Variants in KNL1 observed in about 807,000 individuals in gnomAD.
KNL1 encodes outer kinetochore KNL1 complex subunit KNL1.
A neutral mutation model predicts 201.3 loss-of-function variants in KNL1; 66 were observed. That is an observed-to-expected ratio of 0.33 (90% CI 0.27 to 0.40). The LOEUF (loss-of-function observed/expected upper bound fraction) is 0.40. Among genes scored for constraint, KNL1 ranks in the 10% least tolerant of loss-of-function variants. The pLI, the probability that KNL1 is intolerant of heterozygous loss-of-function variation, is 1.00. For missense variants in KNL1, 2,815 were observed against 2,690.5 expected, an observed-to-expected ratio of 1.05 and a Z score of -1.02; for synonymous variants, 895 against 899.2, an observed-to-expected ratio of 1.00 and a Z score of 0.08.
rs1287547599 is a variant in KNL1 at position 40,622,415 on chromosome 15, A to G, written c.2151A>G (p.Ile717Met). The change falls in exon 10 of 26, where the codon ATA becomes ATG. Residue 717 changes from isoleucine to methionine, a missense_variant. Physicochemically the swap from Ile to Met is conservative, Grantham distance 10. Coordinates refer to ENST00000399668, the MANE Select transcript of KNL1 (RefSeq NM_144508.5). Reference protein sequence around the residue: ...QFSMKNHDTAISSHTVKSVLG... With the variant: ...QFSMKNHDTAMSSHTVKSVLG... Reference sequence around the variant, plus strand: ...CTATGAAAAATCATGATACTGCTATAAGTAGTCATACAGTGAAATCTGTAC... The same window carrying G: ...CTATGAAAAATCATGATACTGCTATGAGTAGTCATACAGTGAAATCTGTAC... 3 of 1,613,648 alleles carry G rather than the reference A, an allele frequency of 1.9e-6. No individual in the cohort carries two copies. The African/African-American group carries it at 4.0e-5, about 22-fold the overall frequency.
At chr15:40,596,219 A>T (rs1412200995) in intron 1 of KNL1, among the ~76,000 whole-genome samples, 1 of 152,238 alleles carries the variant, frequency 6.6e-6, no homozygotes, top group African/African-American at 2.4e-5. Flanking sequence ...CAAACTTAGT[A>T]GCCATTTAAA....
At chr15:40,619,658 C>T (rs1892452219) in intron 9 of KNL1, among the ~76,000 whole-genome samples, 1 of 152,066 alleles carries the variant, frequency 6.6e-6, no homozygotes, top group African/African-American at 2.4e-5. Flanking sequence ...TCTGCCTTGG[C>T]TTCTCAAAGT....
intron 1 of KNL1, among the ~76,000 whole-genome samples, chr15:40,595,572 T>G (rs967736605): frequency 1.3e-5 from 2 of 152,230 alleles, no homozygotes; most frequent in Non-Finnish European, 2.9e-5. Context: ...AATGGTAGTA[T>G]TAATGATGTG....
Position 40,625,195 on chromosome 15 carries a change from A to G in KNL1, c.4931A>G (p.Lys1644Arg), listed in dbSNP as rs76098847. The G allele has an allele frequency of 2.7e-3, 4,425 of 1,613,938 alleles. 109 individuals are homozygous for G. In the African/African-American group the frequency reaches 0.05, roughly 18 times the overall value. ...SLPPKTVFKD[K>R]VRRCSLGIFL... ...CCGCCAAAGACAGTTTTTAAAGATAAAGTAAGGAGATGTTCTTTGGGAATC... is the reference window on the plus strand; with the variant it reads ...CCGCCAAAGACAGTTTTTAAAGATAGAGTAAGGAGATGTTCTTTGGGAATC... The change falls in exon 10 of 26, where the codon AAA becomes AGA. Residue 1644 changes from lysine to arginine, a missense_variant. Coordinates refer to ENST00000399668, the MANE Select transcript of KNL1 (RefSeq NM_144508.5).
At chr15:40,658,527 CAAA>C (rs35756393) in intron 24 of KNL1, among the ~76,000 whole-genome samples, 3 of 8,810 alleles carry the variant, frequency 3.4e-4, no homozygotes, top group Non-Finnish European at 6.6e-4. Flanking sequence ...GACTCCATCT[CAAA>C]AAAAAAAAAA....
chr15:40,656,686 G>A (rs915627361), intron 22 of KNL1, among the ~76,000 whole-genome samples: 4 of 152,098 alleles, frequency 2.6e-5, no homozygotes, highest in Non-Finnish European at 4.4e-5. Flanking sequence ...AGGAGTTCAA[G>A]AGCAGTCTGT....
At chr15:40,604,928 T>C (rs144320301) in intron 2 of KNL1, among the ~76,000 whole-genome samples, 182 bp from the exon 3 acceptor site, 2 of 152,336 alleles carry the variant, frequency 1.3e-5, no homozygotes, top group African/African-American at 2.4e-5. Context: ...TAGTACACAA[T>C]ATGTATTTTA....
At chr15:40,607,169 G>A (rs556580997) in intron 4 of KNL1, among the ~76,000 whole-genome samples, 9 of 152,322 alleles carry the variant, frequency 5.9e-5, no homozygotes, top group African/African-American at 2.2e-4. Flanking sequence ...CAAAGTGTGG[G>A]TATTATAGGC....
intron 22 of KNL1, among the ~76,000 whole-genome samples, chr15:40,656,141 G>A (rs1242787810): frequency 6.6e-6 from 1 of 151,848 alleles, no homozygotes; most frequent in African/African-American, 2.4e-5. Flanking sequence ...ATTAAAGAAA[G>A]CCAGGATTGC....
In KNL1 at chr15:40,624,250, A is replaced by C. The variant is rs376447644; in HGVS notation, c.3986A>C (p.Lys1329Thr). The C allele has an allele frequency of 2.9e-5, 47 of 1,613,892 alleles. No homozygotes were observed. Among genetic ancestry groups the C allele is most frequent in the Non-Finnish European group, 3.9e-5 (46 of 1,179,970 alleles). The change falls in exon 10 of 26, where the codon AAA becomes ACA. Residue 1329 changes from lysine (K) to threonine (T), a missense_variant. Lys to Thr is a moderately conservative substitution (Grantham distance 78). Transcript: ENST00000399668. ...AMLLCDKDEE[K>T]ANYCPVQNDL... ...CTCTTATGTGATAAAGATGAGGAAA[A>C]AGCCAATTATTGCCCAGTGCAAAAT...
chr15:40,653,075 T>TA (rs1893619207), intron 21 of KNL1, among the ~76,000 whole-genome samples: 2 of 152,236 alleles, frequency 1.3e-5, no homozygotes. Flanking sequence ...TGAATAGCGT[T>TA]ACCTTCTGTC....
intron 25 of KNL1, among the ~76,000 whole-genome samples, chr15:40,661,346 G>A (rs1893902748): frequency 6.6e-6 from 1 of 151,934 alleles, no homozygotes; most frequent in Non-Finnish European, 1.5e-5. Context: ...CAAAAAAATA[G>A]CCAGGCGTGG....
chr15:40,615,203 T>C, intron 7 of KNL1, 138 bp from the exon 8 acceptor site: 1 of 339,620 alleles, frequency 2.9e-6, no homozygotes, highest in South Asian at 3.1e-5. Flanking sequence ...GATGAGTCTT[T>C]TTTAAAAAGA....
At chr15:40,612,662 G>A (rs959307711) in intron 7 of KNL1, among the ~76,000 whole-genome samples, 5 of 151,734 alleles carry the variant, frequency 3.3e-5, no homozygotes, top group Non-Finnish European at 7.4e-5. Context: ...GACTACAGGC[G>A]CCTGCCACCA....
intron 1 of KNL1, among the ~76,000 whole-genome samples, chr15:40,597,848 T>A (rs563949140): frequency 1.2e-4 from 18 of 152,324 alleles, no homozygotes; most frequent in African/African-American, 4.3e-4. Context: ...GTAGTTATTA[T>A]CTGTGAATTT....
chr15:40,652,926 G>T (rs754172282), intron 21 of KNL1, among the ~76,000 whole-genome samples: 1 of 152,144 alleles, frequency 6.6e-6, no homozygotes, highest in Non-Finnish European at 1.5e-5. Context: ...CTAGTTGTCA[G>T]TGTCTTTTAG....
At position 40,624,129 on chromosome 15, in the gene KNL1, A is replaced by G; in HGVS notation, c.3865A>G (p.Ser1289Gly). Residue 1289 changes from serine (S) to glycine (G), a missense_variant, in exon 10 of 26, where the codon AGT (serine) becomes GGT (glycine). Transcript: ENST00000399668. ...NRDRRNVDFTSSHATAVCGSS... is the reference protein window; with the variant it reads ...NRDRRNVDFTGSHATAVCGSS... ...AGATAGAAGAAATGTGGACTTTACA[A>G]GTAGTCATGCAACTGCTGTTTGTGG... The G allele has an allele frequency of 1.2e-6, 2 of 1,614,080 alleles. No individual in the cohort carries two copies. Among genetic ancestry groups the G allele is most frequent in the Middle Eastern group, 1.6e-4 (1 of 6,062 alleles).
intron 9 of KNL1, among the ~76,000 whole-genome samples, chr15:40,619,238 A>T (rs921343629): frequency 1.3e-5 from 2 of 152,064 alleles, no homozygotes; most frequent in Non-Finnish European, 2.9e-5. Flanking sequence ...TAAAGAGCAC[A>T]TGAGTCTTTA....
At chr15:40,629,849 C>G (rs1371105455) in intron 13 of KNL1, among the ~76,000 whole-genome samples, 1 of 151,814 alleles carries the variant, frequency 6.6e-6, no homozygotes, top group Non-Finnish European at 1.5e-5. Flanking sequence ...AAACAAAAAC[C>G]AAAAATTTTC....
Sources: gnomAD v4.1 joint callset for allele counts (sites outside exome capture counted in the v4.1 genomes callset) on GRCh38, gnomAD v4.1.1 for gene constraint, MANE v1.5 for transcripts, NCBI Gene and HGNC (gene_info 2026-07-23, HGNC 2026-07-21) for gene names.